Variants in LPIN1 observed in about 807,000 individuals in gnomAD.
The protein encoded by LPIN1 is phosphatidate phosphatase LPIN1.
LPIN1 carries 71 observed loss-of-function variants against 107.5 expected under a neutral mutation model. The ratio of observed to expected loss-of-function variants is 0.66; its 90% confidence interval spans 0.55 to 0.80. The LOEUF (loss-of-function observed/expected upper bound fraction) is 0.80. LPIN1 is among the 30% of genes least tolerant of loss of function. The pLI is 0.00. For missense variants in LPIN1, 1,043 were observed against 1,160.6 expected, an observed-to-expected ratio of 0.90 and a Z score of 1.47; for synonymous variants, 445 against 452.6, an observed-to-expected ratio of 0.98 and a Z score of 0.21.
chr2:11,826,102 T>C lies in LPIN1; in HGVS notation c.*1311T>C, dbSNP rs1381849398. ...TTGAAAAGTGAAAGAATTATTTTGGTAAAAGATTTTGCTTTACTTTTCGAA... is the reference window on the plus strand; with the variant it reads ...TTGAAAAGTGAAAGAATTATTTTGGCAAAAGATTTTGCTTTACTTTTCGAA... On this transcript the variant is annotated 3_prime_UTR_variant, in exon 21 of 21. Transcript: ENST00000674199. 1.3e-5 allele frequency: 2 copies of C among 152,678 alleles called. No homozygotes were observed. Among genetic ancestry groups the C allele is most frequent in the African/African-American group, 4.8e-5 (2 of 41,458 alleles). 9.5% of individuals were successfully genotyped at this position (152,678 alleles called of 1,614,324 possible).
intron 1 of LPIN1, among the ~76,000 whole-genome samples, chr2:11,749,333 T>A (rs1212185899): frequency 6.6e-6 from 1 of 152,102 alleles, no homozygotes; most frequent in Non-Finnish European, 1.5e-5. Flanking sequence ...TGCTCCTTGA[T>A]CAGAGGATGC....
At chr2:11,689,014 A>G (rs976656332) in intron 1 of LPIN1, among the ~76,000 whole-genome samples, 4 of 152,246 alleles carry the variant, frequency 2.6e-5, no homozygotes, top group African/African-American at 9.6e-5. Context: ...TGAACACTGA[A>G]TTTGAGCAGC....
Position 11,752,433 on chromosome 2 carries a change from A to ATTTTTTTTTTTTTTTTTTTTTTTTTTTT in LPIN1, c.-10+5778_-10+5779insTTTTTTTTTTTTTTTTTTTTTTTTTTTT, listed in dbSNP as rs34156190. 4.8e-5 allele frequency among the ~76,000 whole-genome samples: 5 copies of ATTTTTTTTTTTTTTTTTTTTTTTTTTTT among 103,914 alleles called. 2 individuals carry two copies. Among genetic ancestry groups the ATTTTTTTTTTTTTTTTTTTTTTTTTTTT allele is most frequent in the African/African-American group, 2.3e-4 (4 of 17,698 alleles). The allele number at this position is 103,914 out of a possible 152,430, so 68.2% of individuals were successfully genotyped here. On this transcript the variant is annotated intron_variant, in intron 1 of 20. Coordinates refer to ENST00000674199, the MANE Select transcript of LPIN1 (RefSeq NM_001349206.2). ...TTTTCTTTTGAGCTGTTCCAAGGCCATTTTTTTTTTTTTTTTGAGACGGAG... is the reference window on the plus strand; with the variant it reads ...TTTTCTTTTGAGCTGTTCCAAGGCCATTTTTTTTTTTTTTTTTTTTTTTTTTTTTTTTTTTTTTTTTTTTGAGACGGAG...
At chr2:11,708,968 G>T (rs537083156) in intron 1 of LPIN1, among the ~76,000 whole-genome samples, 2 of 152,230 alleles carry the variant, frequency 1.3e-5, no homozygotes, top group African/African-American at 4.8e-5. Context: ...TTTATAGAGG[G>T]GAAATGGAGG....
chr2:11,784,969 C>T lies in LPIN1; in HGVS notation c.1442C>T (p.Ser481Leu), dbSNP rs1468370901. Residue 481 changes from serine (S) to leucine (L), a missense_variant, in exon 10 of 21, where the codon TCG becomes TTG. Transcript: ENST00000674199. Reference sequence around the variant, plus strand: ...CAGTCCCCGCAGTCGGTGGGCAGCTCGGGCGTGGACAGTGGCGTGGAGAGC... The same window carrying T: ...CAGTCCCCGCAGTCGGTGGGCAGCTTGGGCGTGGACAGTGGCGTGGAGAGC... The part of the protein sequence containing the change: ...ANQSPQSVGS[S>L]GVDSGVESTS... The T allele has an allele frequency of 2.5e-6, 4 of 1,613,786 alleles. No homozygotes were observed. The highest frequency in any genetic ancestry group is 2.2e-5 in the South Asian group (2 of 91,072).
chr2:11,701,515 A>G (rs1364845129), intron 1 of LPIN1, among the ~76,000 whole-genome samples: 4 of 152,204 alleles, frequency 2.6e-5, no homozygotes, highest in African/African-American at 9.7e-5. Flanking sequence ...TAGACTCTCA[A>G]TACAAATGAG....
upstream of LPIN1, among the ~76,000 whole-genome samples, chr2:11,743,190 A>T (rs1666544739): frequency 6.6e-6 from 1 of 152,144 alleles, no homozygotes; most frequent in Non-Finnish European, 1.5e-5. This position sits in a 1 kb window ranked among gnomAD's most constrained non-coding sequence, Gnocchi z 4.7. Context: ...GGCCTCCAAG[A>T]TGCTCCTGTG....
At chr2:11,757,053 T>G (rs1371194318) in intron 1 of LPIN1, among the ~76,000 whole-genome samples, 1 of 152,252 alleles carries the variant, frequency 6.6e-6, no homozygotes, top group Non-Finnish European at 1.5e-5. Flanking sequence ...CAAAAACATT[T>G]GAACTAGGGG....
At chr2:11,819,641 C>A in intron 19 of LPIN1, 43 bp downstream of exon 19, 1 of 1,379,346 alleles carries the variant, frequency 7.2e-7, no homozygotes, top group Non-Finnish European at 1.0e-6. Context: ...GAAATGACTG[C>A]CTTTTCTGGT....
intron 17 of LPIN1, among the ~76,000 whole-genome samples, chr2:11,808,160 C>T (rs963727093): frequency 2.0e-5 from 3 of 152,210 alleles, no homozygotes; most frequent in Admixed American, 1.3e-4. Flanking sequence ...TCCCCGTCCC[C>T]GGACTTGCTG....
At chr2:11,759,670 T>G (rs1247178195) in intron 1 of LPIN1, among the ~76,000 whole-genome samples, 1 of 152,270 alleles carries the variant, frequency 6.6e-6, no homozygotes, top group Non-Finnish European at 1.5e-5. Context: ...ATTGTCATCA[T>G]GGCCCGTTCT....
chr2:11,727,205 TTC>T (rs1201837792), intron 1 of LPIN1, among the ~76,000 whole-genome samples: 1 of 152,222 alleles, frequency 6.6e-6, no homozygotes, highest in Admixed American at 6.5e-5. Context: ...AATGGTGATT[TTC>T]TGTTTCCCTC....
chr2:11,740,597 T>C (rs747813077), intron 1 of LPIN1, among the ~76,000 whole-genome samples: 6 of 149,518 alleles, frequency 4.0e-5, no homozygotes, highest in South Asian at 2.1e-4. Flanking sequence ...GGCAGGAGGA[T>C]TGCTTGAACC....
chr2:11,795,387 CT>C lies in LPIN1; in HGVS notation c.1807-18del, dbSNP rs773751369. ...CCTTCTCTGTGGTACTTCTGTGACT[CT>C]TTCTTTTCTTCTTTTCTAGGAAAGT... is the stretch of plus-strand genomic sequence containing the variant. On this transcript the variant is annotated intron_variant, in intron 13 of 20. Transcript: ENST00000674199. 1,437 of 1,608,360 alleles carry C rather than the reference CT, an allele frequency of 8.9e-4. 4 individuals are homozygous for C. Among genetic ancestry groups the C allele is most frequent in the Non-Finnish European group, 1.1e-3 (1,332 of 1,175,166 alleles).
chr2:11,732,907 C>CTGTGTGTGTG (rs753216186), intron 1 of LPIN1, among the ~76,000 whole-genome samples: 20 of 150,756 alleles, frequency 1.3e-4, no homozygotes, highest in African/African-American at 4.4e-4. Flanking sequence ...CTCTCTCTCT[C>CTGTGTGTGTG]TCTCTGTGTG....
intron 1 of LPIN1, among the ~76,000 whole-genome samples, chr2:11,747,039 G>C (rs1034841531): frequency 2.6e-5 from 4 of 152,230 alleles, no homozygotes; most frequent in African/African-American, 9.6e-5. Flanking sequence ...CGGCCAGCGC[G>C]GGTGCGTCCT....
intron 1 of LPIN1, among the ~76,000 whole-genome samples, chr2:11,708,102 A>G (rs1663217358): frequency 1.3e-5 from 2 of 152,060 alleles, no homozygotes; most frequent in African/African-American, 2.4e-5. Flanking sequence ...ATCTCTCCTA[A>G]CTAACAGGAC....
At chr2:11,796,583 C>T (rs1558253057) in intron 14 of LPIN1, among the ~76,000 whole-genome samples, 1 of 152,130 alleles carries the variant, frequency 6.6e-6, no homozygotes, top group Non-Finnish European at 1.5e-5. Context: ...CTGGGATGCT[C>T]TTGAAACCTT....
Position 11,826,090 on chromosome 2 carries a change from G to T in LPIN1, c.*1299G>T, listed in dbSNP as rs978760523. ...GGACAGAACAATTTGAAAAGTGAAAGAATTATTTTGGTAAAAGATTTTGCT... is the reference window on the plus strand; with the variant it reads ...GGACAGAACAATTTGAAAAGTGAAATAATTATTTTGGTAAAAGATTTTGCT... On this transcript the variant is annotated 3_prime_UTR_variant, in exon 21 of 21. Coordinates refer to ENST00000674199, the MANE Select transcript of LPIN1 (RefSeq NM_001349206.2). 3 of 152,598 alleles carry T rather than the reference G, an allele frequency of 2.0e-5. No individual in the cohort carries two copies. The highest frequency in any genetic ancestry group is 7.2e-5 in the African/African-American group (3 of 41,430). The allele number at this position is 152,598 out of a possible 1,614,324, so 9.5% of individuals were successfully genotyped here. A position where few individuals can be genotyped will look rare whatever the true frequency, so the allele number is the denominator to read the frequency against.
Sources: allele counts gnomAD v4.1 joint callset (sites outside exome capture counted in the v4.1 genomes callset), GRCh38; gene constraint gnomAD v4.1.1; non-coding constraint Gnocchi (gnomAD v3.1); transcripts MANE v1.5; gene names NCBI Gene and HGNC (gene_info 2026-07-23, HGNC 2026-07-21).